The following WARS2 variants were observed in gnomAD, a reference collection of about 807,000 sequenced individuals.
WARS2 encodes tryptophan--tRNA ligase, mitochondrial.
A neutral mutation model predicts 36.5 loss-of-function variants in WARS2; 28 were observed. The ratio of observed to expected loss-of-function variants is 0.77; its 90% CI spans 0.57 to 1.05. WARS2 has a LOEUF of 1.05. Among genes scored for constraint, WARS2 ranks in the 50% least tolerant of loss-of-function variants. The probability of loss-of-function intolerance (pLI) is 0.00; values close to 1 mark genes in which losing one functional copy is unlikely to be tolerated. For synonymous variants in WARS2, 174 were observed against 178.4 expected, an observed-to-expected ratio of 0.98 and a Z score of 0.20; for missense variants, 435 against 456.8, an observed-to-expected ratio of 0.95 and a Z score of 0.44.
At chr1:119,041,847 C>A (rs1386261154) in intron 4 of WARS2, among the ~76,000 whole-genome samples, 1 of 152,182 alleles carries the variant, frequency 6.6e-6, no homozygotes, top group Non-Finnish European at 1.5e-5. Context: ...GGACTCAAAT[C>A]CTGGCTCCAA....
intron 1 of WARS2, among the ~76,000 whole-genome samples, chr1:119,086,119 C>A (rs932344575): frequency 6.6e-6 from 1 of 152,172 alleles, no homozygotes; most frequent in African/African-American, 2.4e-5. Context: ...CTTGGCCTCC[C>A]AAAGTTCTGG....
chr1:119,108,926 T>C (rs1654428663), intron 1 of WARS2, among the ~76,000 whole-genome samples: 1 of 151,986 alleles, frequency 6.6e-6, no homozygotes, highest in Non-Finnish European at 1.5e-5. Flanking sequence ...TTCAGTTTCA[T>C]GGAATTCAAA....
Position 119,076,635 on chromosome 1 carries a change from GCTTTTGAGGCAGAATCC to G in WARS2, c.91-45_91-29del, listed in dbSNP as rs1446190899. The G allele has an allele frequency of 4.3e-6, 7 of 1,611,872 alleles. No individual in the cohort carries two copies. The African/African-American group carries it at 8.0e-5, about 18-fold the overall frequency. On this transcript the variant is annotated intron_variant, in intron 1 of 5. Transcript: ENST00000235521. ...GGAACAAAGGAAAACAAGCATATTT[GCTTTTGAGGCAGAATCC>G]CATGAATCCTATGCCCATGTTATCA...
intron 1 of WARS2, among the ~76,000 whole-genome samples, chr1:119,114,133 C>T (rs1407908615): frequency 6.6e-6 from 1 of 152,146 alleles, no homozygotes; most frequent in Non-Finnish European, 1.5e-5. Flanking sequence ...GTTTAAGTAA[C>T]TCAGGTAGGA....
chr1:119,082,295 T>C, intron 1 of WARS2: 5 of 985,406 alleles, frequency 5.1e-6, no homozygotes, highest in Non-Finnish European at 6.0e-6. Context: ...CATTTTCAAA[T>C]TTCAAGAGTT....
At chr1:119,131,408 T>C (rs963160821) in intron 1 of WARS2, among the ~76,000 whole-genome samples, 9 of 151,886 alleles carry the variant, frequency 5.9e-5, no homozygotes, top group South Asian at 2.1e-4. Flanking sequence ...CTATGTAAGA[T>C]AGCAATGGTC....
intron 3 of WARS2, among the ~76,000 whole-genome samples, chr1:119,042,681 G>A (rs1008263892): frequency 2.6e-5 from 4 of 151,972 alleles, no homozygotes; most frequent in African/African-American, 7.3e-5. Context: ...TCACAGACAA[G>A]GCCACAAACC....
chr1:119,124,231 G>T (rs1365752350), intron 1 of WARS2, among the ~76,000 whole-genome samples: 1 of 152,096 alleles, frequency 6.6e-6, no homozygotes. Flanking sequence ...GGTGGCTCAT[G>T]CCTGTAATCC....
chr1:119,115,379 T>C (rs944593616), intron 1 of WARS2, among the ~76,000 whole-genome samples: 2 of 152,146 alleles, frequency 1.3e-5, no homozygotes, highest in African/African-American at 4.8e-5. Context: ...GGGATATATA[T>C]TGTCACTGAA....
At chr1:119,034,656 A>T (rs1174855457) in intron 4 of WARS2, among the ~76,000 whole-genome samples, 1 of 152,214 alleles carries the variant, frequency 6.6e-6, no homozygotes, top group Non-Finnish European at 1.5e-5. Context: ...AAGGCAGCAG[A>T]AAGTTCTTCA....
At chr1:119,074,474 A>C (rs1651571799) in intron 2 of WARS2, among the ~76,000 whole-genome samples, 1 of 152,240 alleles carries the variant, frequency 6.6e-6, no homozygotes, top group Admixed American at 6.5e-5. Flanking sequence ...CAGTAAAAGC[A>C]AGTATTTTAT....
intron 1 of WARS2, among the ~76,000 whole-genome samples, chr1:119,110,114 A>G (rs1654526996): frequency 6.6e-6 from 1 of 151,996 alleles, no homozygotes; most frequent in African/African-American, 2.4e-5. Context: ...TGCATATGTA[A>G]TCAAATACAT....
At chr1:119,061,284 A>G (rs923306248) in intron 2 of WARS2, among the ~76,000 whole-genome samples, 4 of 152,232 alleles carry the variant, frequency 2.6e-5, no homozygotes, top group Non-Finnish European at 4.4e-5. Flanking sequence ...TGAAGCGATT[A>G]TTACAACTAT....
At chr1:119,064,660 C>A (rs1388915857) in intron 2 of WARS2, 1 of 161,774 alleles carries the variant, frequency 6.2e-6, no homozygotes, top group African/African-American at 2.4e-5. Flanking sequence ...TCAGGGGTTT[C>A]CACTTTTGCT....
intron 3 of WARS2, 24 bp from the exon 4 acceptor site, chr1:119,042,373 G>A (rs777166854): frequency 1.9e-6 from 3 of 1,609,082 alleles, no homozygotes; most frequent in Non-Finnish European, 2.6e-6. Context: ...AAAGAGAGGA[G>A]GGGAAGAAAT....
At chr1:119,041,478 G>C (rs986371252) in intron 4 of WARS2, among the ~76,000 whole-genome samples, 9 of 151,960 alleles carry the variant, frequency 5.9e-5, no homozygotes, top group Non-Finnish European at 1.2e-4. Context: ...ATGGATTAGG[G>C]GTCCAGGAAA....
At chr1:119,098,830 G>A (rs1653652525) in intron 1 of WARS2, among the ~76,000 whole-genome samples, 2 of 151,998 alleles carry the variant, frequency 1.3e-5, no homozygotes, top group South Asian at 4.2e-4. Flanking sequence ...TCCACCTCCT[G>A]GATACAAGTG....
At position 119,045,588 on chromosome 1, in the gene WARS2, C is replaced by G; in HGVS notation, c.423G>C (p.Gln141His). The G allele has an allele frequency of 6.3e-7, 1 of 1,591,498 alleles. No homozygotes were observed. The highest frequency in any genetic ancestry group is 8.6e-7 in the Non-Finnish European group (1 of 1,165,002). ...TCAGATTACTGGCATTTACCTTCCA[C>G]TGATGTAAATGTTGTAATCGAGGTA... Reference protein sequence around the residue: ...VRLPRLQHLHQWKAKTTKQKH... With the variant: ...VRLPRLQHLHHWKAKTTKQKH... Residue 141 changes from glutamine (Q) to histidine (H), a missense_variant, in exon 3 of 6, where the codon CAG becomes CAC. Transcript: ENST00000235521.
chr1:119,116,764 C>T (rs752283681), intron 1 of WARS2, among the ~76,000 whole-genome samples: 6 of 152,184 alleles, frequency 3.9e-5, no homozygotes, highest in South Asian at 2.1e-4. Context: ...CCATTCCTCG[C>T]GTTATCTCAC....
Sources: gnomAD v4.1 joint callset for allele counts (sites outside exome capture counted in the v4.1 genomes callset) on GRCh38, gnomAD v4.1.1 for gene constraint, MANE v1.5 for transcripts, NCBI Gene and HGNC (gene_info 2026-07-23, HGNC 2026-07-21) for gene names.